Variants in CTNNA3 observed in about 807,000 individuals in gnomAD.
CTNNA3 encodes the protein catenin alpha 3, also known as catenin alpha-3.
A neutral mutation model predicts 95.7 loss-of-function variants in CTNNA3; 76 were observed. The ratio of observed to expected loss-of-function variants is 0.79; its 90% CI spans 0.66 to 0.96. The LOEUF is 0.96. Among genes scored for constraint, CTNNA3 ranks in the 40% least tolerant of loss-of-function variants. The probability of loss-of-function intolerance (pLI) is 0.00; values close to 1 mark genes in which losing one functional copy is unlikely to be tolerated. For synonymous variants in CTNNA3, 431 were observed against 374.4 expected (o/e 1.15, Z -1.74); for missense variants, 1,191 against 1,089.8 (o/e 1.09, Z -1.31).
At chr10:66,542,460 C>T (rs1476374582) in intron 10 of CTNNA3, among the ~76,000 whole-genome samples, 1 of 152,006 alleles carries the variant, frequency 6.6e-6, no homozygotes, top group Non-Finnish European at 1.5e-5. Context: ...TGTGGCACTA[C>T]TCACAATAGC....
chr10:67,275,110 C>T (rs1839137916), intron 5 of CTNNA3, among the ~76,000 whole-genome samples: 1 of 152,078 alleles, frequency 6.6e-6, no homozygotes. Context: ...ATAATAGTAG[C>T]AACGCATATG....
chr10:65,949,706 C>T (rs568414321), intron 17 of CTNNA3, among the ~76,000 whole-genome samples: 1 of 152,120 alleles, frequency 6.6e-6, no homozygotes, highest in African/African-American at 2.4e-5. Context: ...AAGCAAGGAG[C>T]CTGAGCTTTA....
chr10:67,298,892 AAT>A (rs1477598381), intron 5 of CTNNA3, among the ~76,000 whole-genome samples: 3 of 152,092 alleles, frequency 2.0e-5, no homozygotes, highest in Non-Finnish European at 4.4e-5. Context: ...AAATTAAACA[AAT>A]ATGTAGTAGG....
chr10:67,572,162 C>A (rs1442858147), intron 3 of CTNNA3, among the ~76,000 whole-genome samples: 1 of 151,890 alleles, frequency 6.6e-6, no homozygotes, highest in African/African-American at 2.4e-5. Context: ...CCAATTTTAC[C>A]TTTTTTTACA....
At chr10:66,860,102 C>T (rs1329718546) in intron 7 of CTNNA3, among the ~76,000 whole-genome samples, 1 of 148,728 alleles carries the variant, frequency 6.7e-6, no homozygotes, top group Non-Finnish European at 1.5e-5. Flanking sequence ...ACCAGCATGG[C>T]ACATGTATAC....
At chr10:67,495,809 A>C (rs1012888301) in intron 5 of CTNNA3, among the ~76,000 whole-genome samples, 3 of 152,222 alleles carry the variant, frequency 2.0e-5, no homozygotes, top group African/African-American at 7.2e-5. Context: ...TTATATGGGA[A>C]TTATAAGGGG....
At chr10:66,640,837 G>C (rs73310547) in intron 9 of CTNNA3, among the ~76,000 whole-genome samples, 4,701 of 151,984 alleles carry the variant, frequency 0.031, 238 homozygotes, top group African/African-American at 0.11. Flanking sequence ...AATACCAAGA[G>C]GGCAGACATA....
chr10:66,432,077 C>T (rs953294573), intron 11 of CTNNA3, among the ~76,000 whole-genome samples: 3 of 150,574 alleles, frequency 2.0e-5, no homozygotes, highest in African/African-American at 4.9e-5. Flanking sequence ...TTTTGGAATT[C>T]GTAAAATAAT....
At chr10:66,435,498 T>C (rs2093330593) in intron 11 of CTNNA3, among the ~76,000 whole-genome samples, 1 of 152,336 alleles carries the variant, frequency 6.6e-6, no homozygotes, top group Admixed American at 6.5e-5. Flanking sequence ...GATGGTAGTT[T>C]GTATTTCTGT....
intron 10 of CTNNA3, among the ~76,000 whole-genome samples, chr10:66,522,747 C>T (rs1451526021): frequency 3.5e-5 from 5 of 143,302 alleles, no homozygotes; most frequent in African/African-American, 9.8e-5. Flanking sequence ...ATTTTTAACC[C>T]GTCAAACTAG....
chr10:66,044,815 T>A (rs752189782), intron 15 of CTNNA3, among the ~76,000 whole-genome samples: 2 of 152,230 alleles, frequency 1.3e-5, no homozygotes, highest in African/African-American at 2.4e-5. Context: ...CACCATTTAT[T>A]GTGTCGTCAC....
At chr10:66,318,429 T>C (rs187949342) in intron 12 of CTNNA3, among the ~76,000 whole-genome samples, 1 of 152,058 alleles carries the variant, frequency 6.6e-6, no homozygotes, top group East Asian at 1.9e-4. Context: ...AGTGCACCTA[T>C]CTTTCTTTGT....
At chr10:66,437,176 T>A (rs1234005655) in intron 11 of CTNNA3, among the ~76,000 whole-genome samples, 2 of 152,118 alleles carry the variant, frequency 1.3e-5, no homozygotes, top group African/African-American at 4.8e-5. Flanking sequence ...TTGGGGTTGC[T>A]CTTCTCAAGG....
intron 9 of CTNNA3, among the ~76,000 whole-genome samples, chr10:66,763,009 A>T (rs1369401646): frequency 6.6e-6 from 1 of 152,078 alleles, no homozygotes; most frequent in Non-Finnish European, 1.5e-5. Context: ...CTGCCGTGCT[A>T]TGTCAAATTG....
At chr10:65,990,066 TTGTGTGTAGTGTGTG>T (rs1226527809) in intron 15 of CTNNA3, among the ~76,000 whole-genome samples, 2 of 2,956 alleles carry the variant, frequency 6.8e-4, no homozygotes, top group Non-Finnish European at 1.3e-3. Context: ...GTGTTTCATT[TTGTGTGTAGTGTGTG>T]TGTGTGTGTG....
rs74896417 is a variant in CTNNA3 at position 67,299,949 on chromosome 10, A to T, written c.580-80079T>A. On this transcript the variant is annotated intron_variant, in intron 5 of 17. Transcript: ENST00000433211. ...CATTGGAAGGCTGCACATGTATTTC[A>T]TTCTTAGAACTACATCATCAGTTAG... 0.018 allele frequency among the ~76,000 whole-genome samples: 2,809 copies of T among 152,318 alleles called. 229 individuals are homozygous for T. In the East Asian group the frequency reaches 0.25, roughly 14 times the overall value.
At chr10:66,965,429 G>C in intron 7 of CTNNA3, among the ~76,000 whole-genome samples, 1 of 151,834 alleles carries the variant, frequency 6.6e-6, no homozygotes, top group East Asian at 1.9e-4. Context: ...CAGCTACTCA[G>C]GAGGCTGAGG....
intron 7 of CTNNA3, among the ~76,000 whole-genome samples, chr10:67,115,344 T>G (rs12217756): frequency 2.7e-5 from 4 of 148,586 alleles, no homozygotes; most frequent in African/African-American, 7.6e-5. Context: ...GTTGTGGGGT[T>G]GGGGGAGGGG....
intron 5 of CTNNA3, among the ~76,000 whole-genome samples, chr10:67,255,667 G>T (rs920870949): frequency 6.6e-6 from 1 of 152,128 alleles, no homozygotes; most frequent in Non-Finnish European, 1.5e-5. Context: ...AGCAGTGAAG[G>T]TGAGATTTAA....
Sources: gnomAD v4.1 joint callset for allele counts (sites outside exome capture counted in the v4.1 genomes callset) on GRCh38, gnomAD v4.1.1 for gene constraint, MANE v1.5 for transcripts, NCBI Gene and HGNC (gene_info 2026-07-23, HGNC 2026-07-21) for gene names.